The following PRKCB variants were observed in gnomAD, a reference collection of about 807,000 sequenced individuals.
PRKCB encodes protein kinase C beta, also known as protein kinase C beta type.
In PRKCB, 13 loss-of-function variants were observed where a neutral mutation model predicts 81.5. The observed-to-expected ratio is 0.16, with a 90% CI of 0.10 to 0.25. The LOEUF is 0.25. Ranked by LOEUF, PRKCB falls within the 10% of genes least tolerant of loss-of-function variation. The probability of loss-of-function intolerance (pLI) is 1.00; values close to 1 mark genes in which losing one functional copy is unlikely to be tolerated. For missense variants in PRKCB, 509 were observed against 875.7 expected (o/e 0.58, Z 5.29); for synonymous variants, 335 against 321.4 (o/e 1.04, Z -0.45).
intron 2 of PRKCB, among the ~76,000 whole-genome samples, chr16:23,981,646 T>C (rs368094104): frequency 2.9e-5 from 4 of 135,926 alleles, no homozygotes; most frequent in Middle Eastern, 7.5e-3. Flanking sequence ...CTTTCTTTTC[T>C]CCTTCCCTTC....
At chr16:23,940,107 T>C (rs190440461) in intron 2 of PRKCB, among the ~76,000 whole-genome samples, 152 of 152,308 alleles carry the variant, frequency 1.0e-3, no homozygotes, top group African/African-American at 3.5e-3. Context: ...ATGTTCTACA[T>C]CATTGGCTTT....
intron 10 of PRKCB, among the ~76,000 whole-genome samples, chr16:24,160,759 C>A (rs1316051657): frequency 6.6e-6 from 1 of 151,936 alleles, no homozygotes; most frequent in African/African-American, 2.4e-5. Flanking sequence ...CAGAGAGATG[C>A]TATTTTTGAT....
intron 3 of PRKCB, among the ~76,000 whole-genome samples, chr16:24,004,065 G>T (rs541650679): frequency 3.3e-5 from 5 of 152,096 alleles, no homozygotes; most frequent in Admixed American, 3.3e-4. Context: ...AAACAACAAA[G>T]AAAATTATGA....
chr16:23,898,200 G>A (rs1447091569), intron 2 of PRKCB, among the ~76,000 whole-genome samples: 1 of 151,964 alleles, frequency 6.6e-6, no homozygotes, highest in Non-Finnish European at 1.5e-5. Flanking sequence ...CGAGTAGCTG[G>A]AACTACAGGC....
At chr16:24,159,764 C>T (rs757859187) in intron 10 of PRKCB, among the ~76,000 whole-genome samples, 2 of 152,054 alleles carry the variant, frequency 1.3e-5, no homozygotes, top group Non-Finnish European at 2.9e-5. Context: ...GAGGTGTAGG[C>T]AAGTGGATTG....
At chr16:24,180,562 A>T (rs1297056622) in intron 12 of PRKCB, among the ~76,000 whole-genome samples, 2 of 151,998 alleles carry the variant, frequency 1.3e-5, no homozygotes, top group African/African-American at 4.8e-5. Flanking sequence ...TGTCCTTGTG[A>T]GACACTTGGC....
In PRKCB at chr16:24,214,704, C is replaced by T. The variant is rs755317392; in HGVS notation, c.1910C>T (p.Pro637Leu). 17 of 1,614,026 alleles carry T rather than the reference C, an allele frequency of 1.1e-5. No individual in the cohort carries two copies. Among genetic ancestry groups the T allele is most frequent in the Non-Finnish European group, 1.4e-5 (17 of 1,180,026 alleles). Residue 637 changes from proline to leucine, a missense_variant, in exon 17 of 17, where the codon CCA (proline) becomes CTA (leucine). This residue lies in a region of PRKCB where 104 missense variants were observed against 160.5 expected (regional missense o/e 0.65). Transcript: ENST00000643927. ...TTCGACCGATTTTTCACCCGCCATCCACCAGTCCTAACACCTCCCGACCAG... is the reference window on the plus strand; with the variant it reads ...TTCGACCGATTTTTCACCCGCCATCTACCAGTCCTAACACCTCCCGACCAG... ...ENFDRFFTRHPPVLTPPDQEV... is the reference protein window; with the variant it reads ...ENFDRFFTRHLPVLTPPDQEV...
In PRKCB at chr16:24,035,468, G is replaced by A. The variant is rs761578978; in HGVS notation, c.450G>A (p.Leu150=). Residue 150 remains leucine (L), a synonymous_variant, in exon 5 of 17, where the codon CTG becomes CTA. Transcript: ENST00000643927. The stretch of plus-strand genomic sequence containing the variant: ...GCTGCGTGATGAATGTTCCCAGCCT[G>A]TGTGGCACGGACCACACGGAGCGCC... ...HKRCVMNVPS[L]CGTDHTERRG... 6.2e-7 allele frequency: 1 copy of A among 1,614,188 alleles called. No individual in the cohort carries two copies. Among genetic ancestry groups the A allele is most frequent in the Non-Finnish European group, 8.5e-7 (1 of 1,180,024 alleles).
chr16:24,165,695 C>T (rs1967331078), intron 10 of PRKCB, among the ~76,000 whole-genome samples: 1 of 152,046 alleles, frequency 6.6e-6, no homozygotes, highest in South Asian at 2.1e-4. Context: ...TGATGGACTC[C>T]AGATATGCAC....
intron 16 of PRKCB, among the ~76,000 whole-genome samples, chr16:24,200,669 G>T (rs557910616): frequency 6.6e-6 from 1 of 152,172 alleles, no homozygotes; most frequent in South Asian, 2.1e-4. Flanking sequence ...GAGAGTATGC[G>T]TGCATGTGTG....
At chr16:23,896,374 A>C (rs920181468) in intron 2 of PRKCB, among the ~76,000 whole-genome samples, 1 of 152,188 alleles carries the variant, frequency 6.6e-6, no homozygotes, top group Admixed American at 6.5e-5. Flanking sequence ...TATTGAAAAC[A>C]TACTGTATGC....
chr16:24,055,847 C>G (rs1200468655), intron 5 of PRKCB, among the ~76,000 whole-genome samples: 1 of 152,166 alleles, frequency 6.6e-6, no homozygotes, highest in African/African-American at 2.4e-5. Flanking sequence ...CAGTCTCTCT[C>G]TCTCTCGAAA....
intron 2 of PRKCB, among the ~76,000 whole-genome samples, chr16:23,932,435 G>T (rs1254801555): frequency 6.6e-6 from 1 of 152,020 alleles, no homozygotes; most frequent in Non-Finnish European, 1.5e-5. Flanking sequence ...CTATTTTTTG[G>T]CAAAAAGGCC....
At chr16:24,048,584 G>C (rs558061802) in intron 5 of PRKCB, among the ~76,000 whole-genome samples, 8 of 151,928 alleles carry the variant, frequency 5.3e-5, no homozygotes, top group African/African-American at 1.9e-4. Context: ...CCGCCTCCCT[G>C]GTTCCAGCGA....
chr16:24,204,463 C>T (rs1968012447), intron 16 of PRKCB, among the ~76,000 whole-genome samples: 3 of 152,088 alleles, frequency 2.0e-5, no homozygotes, highest in Admixed American at 1.3e-4. Flanking sequence ...TAGAGATAAT[C>T]CTTTTCCTGC....
intron 16 of PRKCB, among the ~76,000 whole-genome samples, chr16:24,205,704 AT>A (rs927215669): frequency 4.6e-5 from 7 of 152,002 alleles, no homozygotes; most frequent in Non-Finnish European, 7.4e-5. Context: ...TGTCCATTTG[AT>A]TTTTTTTCAT....
chr16:23,860,269 A>G (rs572680870), intron 2 of PRKCB, among the ~76,000 whole-genome samples: 2 of 152,290 alleles, frequency 1.3e-5, no homozygotes, highest in East Asian at 1.9e-4. Context: ...GTTGTCACCT[A>G]TTGAGGGAGT....
At chr16:24,081,691 G>A (rs1172731009) in intron 5 of PRKCB, among the ~76,000 whole-genome samples, 1 of 152,004 alleles carries the variant, frequency 6.6e-6, no homozygotes, top group African/African-American at 2.4e-5. Context: ...TGGCCAACAT[G>A]GTGAAACCCC....
chr16:24,125,317 GCC>G (rs3841767), intron 9 of PRKCB, among the ~76,000 whole-genome samples: 60,267 of 151,752 alleles, frequency 0.4, 12,017 homozygotes, highest in Middle Eastern at 0.49. Context: ...TTATCATCTG[GCC>G]CTTGTTCTCT....
Sources: gnomAD v4.1 joint callset for allele counts (sites outside exome capture counted in the v4.1 genomes callset) on GRCh38, gnomAD v4.1.1 for gene constraint, gnomAD v4.1.1 regional missense constraint, MANE v1.5 for transcripts, NCBI Gene and HGNC (gene_info 2026-07-23, HGNC 2026-07-21) for gene names.